Variants in GABRG2 observed in about 807,000 individuals in gnomAD.
The protein encoded by GABRG2 is gamma-aminobutyric acid receptor subunit gamma-2.
A neutral mutation model predicts 56.4 loss-of-function variants in GABRG2; 16 were observed. That is an observed-to-expected ratio of 0.28 (90% CI 0.19 to 0.43). The LOEUF is 0.43. Ranked by LOEUF, GABRG2 falls within the 20% of genes least tolerant of loss-of-function variation. The pLI, the probability that GABRG2 is intolerant of heterozygous loss-of-function variation, is 1.00. For synonymous variants in GABRG2, 208 were observed against 205.5 expected, an observed-to-expected ratio of 1.01 and a Z score of -0.10; for missense variants, 327 against 582.7, an observed-to-expected ratio of 0.56 and a Z score of 4.52.
chr5:162,086,650 A>C (rs1421627917), intron 1 of GABRG2, among the ~76,000 whole-genome samples: 1 of 151,950 alleles, frequency 6.6e-6, no homozygotes, highest in African/African-American at 2.4e-5. Flanking sequence ...TGAGCACTAC[A>C]GATAATTTTT....
At chr5:162,068,651 G>A (rs543557143) in intron 1 of GABRG2, among the ~76,000 whole-genome samples, 5 of 152,106 alleles carry the variant, frequency 3.3e-5, no homozygotes, top group Non-Finnish European at 7.3e-5. Context: ...TGACCCAACA[G>A]CCAACTACCC....
intron 6 of GABRG2, among the ~76,000 whole-genome samples, chr5:162,110,437 A>C (rs1429184503): frequency 6.6e-6 from 1 of 152,126 alleles, no homozygotes; most frequent in Non-Finnish European, 1.5e-5. Flanking sequence ...CAATGTTTAC[A>C]TATGAATAAA....
intron 8 of GABRG2, chr5:162,149,919 A>G (rs1263900830): frequency 8.9e-6 from 2 of 224,386 alleles, no homozygotes; most frequent in Non-Finnish European, 1.8e-5. Context: ...TGGCCATGAT[A>G]ATATTATTAA....
rs1761136790 is a variant in GABRG2 at position 162,098,102 on chromosome 5, T to A, written c.548+244T>A. 1.1e-5 allele frequency: 6 copies of A among 525,654 alleles called. No individual in the cohort carries two copies. In the East Asian group the frequency reaches 2.0e-4, roughly 18 times the overall value. The allele number at this position is 525,654 out of a possible 1,614,324, so 32.6% of individuals were successfully genotyped here. On this transcript the variant is annotated intron_variant, in intron 4 of 9. Coordinates refer to ENST00000639213, the MANE Select transcript of GABRG2 (RefSeq NM_198904.4). ...TTTCCACAACTGCTGTGAAAACTAT[T>A]TTTTGTCACAACTGACCTGAAATTT...
rs76921294 is a variant in GABRG2, at chr5:162,102,051, A to C, written c.631+734A>C. 703 of 156,562 alleles carry C rather than the reference A, an allele frequency of 4.5e-3. 7 individuals carry two copies. Among genetic ancestry groups the C allele is most frequent in the African/African-American group, 0.016 (673 of 41,588 alleles). The allele number at this position is 156,562 out of a possible 1,614,324, so 9.7% of individuals were successfully genotyped here. On this transcript the variant is annotated intron_variant, in intron 5 of 9. Transcript: ENST00000639213. ...GAATAAAAATCTGATTATAGATTTT[A>C]AAAGTATGTTTGTAGAAATGTAATT...
intron 1 of GABRG2, among the ~76,000 whole-genome samples, chr5:162,080,320 A>G (rs1759548312): frequency 6.6e-6 from 1 of 152,158 alleles, no homozygotes; most frequent in Non-Finnish European, 1.5e-5. Flanking sequence ...TGGCCAGGGA[A>G]GGCAATTATG....
chr5:162,074,516 A>C (rs974756249), intron 1 of GABRG2, among the ~76,000 whole-genome samples: 1 of 152,040 alleles, frequency 6.6e-6, no homozygotes, highest in Non-Finnish European at 1.5e-5. Context: ...AAATACATCT[A>C]AAGAAATTGC....
intron 1 of GABRG2, among the ~76,000 whole-genome samples, chr5:162,086,157 A>G (rs1724691745): frequency 6.6e-6 from 1 of 152,026 alleles, no homozygotes; most frequent in Admixed American, 6.6e-5. Context: ...CAACCATACA[A>G]TAGCATGTTA....
chr5:162,090,991 G>A (rs559259729), intron 1 of GABRG2, among the ~76,000 whole-genome samples: 15 of 152,088 alleles, frequency 9.9e-5, no homozygotes, highest in Admixed American at 2.6e-4. Context: ...AAGAAACAGC[G>A]TAGCTTTAAT....
At chr5:162,135,469 C>T (rs1310517442) in intron 6 of GABRG2, among the ~76,000 whole-genome samples, 1 of 152,122 alleles carries the variant, frequency 6.6e-6, no homozygotes, top group African/African-American at 2.4e-5. Flanking sequence ...GTGGAATTCC[C>T]TCTATGTCCC....
At chr5:162,078,345 A>G (rs914887520) in intron 1 of GABRG2, among the ~76,000 whole-genome samples, 1 of 133,608 alleles carries the variant, frequency 7.5e-6, no homozygotes, top group African/African-American at 2.9e-5. Flanking sequence ...TCACCTTTAC[A>G]GGCATTACTT....
At chr5:162,078,766 G>T (rs1040935018) in intron 1 of GABRG2, among the ~76,000 whole-genome samples, 1 of 151,640 alleles carries the variant, frequency 6.6e-6, no homozygotes, top group East Asian at 1.9e-4. Flanking sequence ...CAGTGTGATG[G>T]CTCAGGATTT....
intron 1 of GABRG2, among the ~76,000 whole-genome samples, chr5:162,091,657 T>A (rs1760600645): frequency 6.6e-6 from 1 of 152,022 alleles, no homozygotes; most frequent in South Asian, 2.1e-4. Flanking sequence ...AACTAGGTGA[T>A]GACTCTGAGG....
chr5:162,092,431 G>T (rs1413662281), intron 1 of GABRG2, among the ~76,000 whole-genome samples: 1 of 152,102 alleles, frequency 6.6e-6, no homozygotes, highest in African/African-American at 2.4e-5. Flanking sequence ...TCATTAAGTT[G>T]ACCCATGACA....
chr5:162,099,307 C>T (rs959504058), intron 4 of GABRG2: 2 of 152,076 alleles, frequency 1.3e-5, no homozygotes, highest in African/African-American at 4.8e-5. Flanking sequence ...CTCACTGTGT[C>T]ACCCGCTGGA....
At chr5:162,082,512 A>G (rs557017861) in intron 1 of GABRG2, among the ~76,000 whole-genome samples, 1 of 151,910 alleles carries the variant, frequency 6.6e-6, no homozygotes, top group South Asian at 2.1e-4. Context: ...ATATTGTTCC[A>G]GAATTCCAGG....
intron 6 of GABRG2, among the ~76,000 whole-genome samples, chr5:162,109,477 C>T (rs1762105333): frequency 6.8e-6 from 1 of 147,226 alleles, no homozygotes; most frequent in Admixed American, 6.8e-5. Context: ...TGGGCACTTG[C>T]TTTACTCCTC....
chr5:162,139,233 GGAATAAATCT>G (rs1237981308), intron 6 of GABRG2, among the ~76,000 whole-genome samples: 1 of 152,176 alleles, frequency 6.6e-6, no homozygotes, highest in African/African-American at 2.4e-5. Context: ...ATCAATAGGA[GGAATAAATCT>G]GAAGTGGCAG....
chr5:162,133,069 G>T (rs1763870106), intron 6 of GABRG2, among the ~76,000 whole-genome samples: 1 of 151,774 alleles, frequency 6.6e-6, no homozygotes, highest in African/African-American at 2.4e-5. Flanking sequence ...TTTCATGGAT[G>T]CATTAATATT....
Sources: allele counts gnomAD v4.1 joint callset (sites outside exome capture counted in the v4.1 genomes callset), GRCh38; gene constraint gnomAD v4.1.1; transcripts MANE v1.5; gene names NCBI Gene and HGNC (gene_info 2026-07-23, HGNC 2026-07-21).